MINDY4B: variants seen among roughly 807,000 people sequenced by gnomAD.
The protein encoded by MINDY4B is MINDY family member 4B, also known as inactive ubiquitin carboxyl-terminal hydrolase MINDY-4B.
MINDY4B carries 25 observed loss-of-function variants against 16.7 expected under a neutral mutation model. That is an observed-to-expected ratio of 1.49 (90% CI 1.09 to 2.09). The LOEUF (loss-of-function observed/expected upper bound fraction) is 2.09. Ranked by LOEUF, MINDY4B falls within the 30% of genes most tolerant of loss-of-function variation. MINDY4B has a pLI of 0.00. For missense variants in MINDY4B, 327 were observed against 168.4 expected (o/e 1.94, Z -5.21); for synonymous variants, 132 against 61.9 (o/e 2.13, Z -5.32).
chr3:150,883,746 G>A lies in MINDY4B; in HGVS notation c.851C>T (p.Thr284Ile). The A allele has an allele frequency of 1.4e-6, 1 of 702,796 alleles. No homozygotes were observed. Among genetic ancestry groups the A allele is most frequent in the Non-Finnish European group, 2.6e-6 (1 of 384,834 alleles). The allele number at this position is 702,796 out of a possible 1,614,324, so 43.5% of individuals were successfully genotyped here. ...AGCATTTGGTTGTAGCAGCTGAGTG[G>A]TGGTGACATCTAGGTCCATTTGAAG... ...ERLQMDLDVT[T>I]TQLLQPNAGG... is the part of the protein sequence containing the mutation. The change falls in exon 9 of 12, where the codon ACC becomes ATC. Residue 284 changes from threonine to isoleucine, a missense_variant. Transcript: ENST00000465419.
chr3:150,877,289 A>G (rs916588540), intron 10 of MINDY4B, among the ~76,000 whole-genome samples: 1 of 152,160 alleles, frequency 6.6e-6, no homozygotes, highest in Non-Finnish European at 1.5e-5. Flanking sequence ...CATAAAAATA[A>G]CCTTCAGATT....
intron 3 of MINDY4B, among the ~76,000 whole-genome samples, chr3:150,896,785 G>A (rs998429372): frequency 6.6e-6 from 1 of 152,188 alleles, no homozygotes; most frequent in Non-Finnish European, 1.5e-5. Flanking sequence ...GGAGGTGGCA[G>A]GGGGGTGAAA....
At chr3:150,871,720 C>T (rs139680422) in intron 11 of MINDY4B, among the ~76,000 whole-genome samples, 42 of 152,140 alleles carry the variant, frequency 2.8e-4, no homozygotes, top group Non-Finnish European at 4.3e-4. Flanking sequence ...TGTGGTGGCG[C>T]GCGCCTGTAA....
rs1437645181 is a variant in MINDY4B, at chr3:150,873,245, A to T, written c.1182T>A (p.Phe394Leu). ...LLSDWKMERL[F>L]DLYFYSGQPS... ...GTTGGCCACTGTAAAAGTACAGATC[A>T]AAGAGACGTTCCATTTTCCAGTCTG... Residue 394 changes from phenylalanine (F) to leucine (L), a missense_variant, in exon 11 of 12, where the codon TTT becomes TTA. Coordinates refer to ENST00000465419, the MANE Select transcript of MINDY4B (RefSeq NM_001351281.2). 1 of 703,194 alleles carries T rather than the reference A, an allele frequency of 1.4e-6. No homozygotes were observed. The highest frequency in any genetic ancestry group is 1.7e-5 in the African/African-American group (1 of 57,272). The allele number at this position is 703,194 out of a possible 1,614,324, so 43.6% of individuals were successfully genotyped here. A position where few individuals can be genotyped will look rare whatever the true frequency, so the allele number is the denominator to read the frequency against.
chr3:150,892,812 C>T (rs1711850580), intron 5 of MINDY4B, among the ~76,000 whole-genome samples: 2 of 150,838 alleles, frequency 1.3e-5, no homozygotes, highest in African/African-American at 4.9e-5. Flanking sequence ...AAAAATTAGC[C>T]GGGTGTAATC....
At chr3:150,883,261 A>T (rs1711551530) in intron 9 of MINDY4B, among the ~76,000 whole-genome samples, 1 of 152,138 alleles carries the variant, frequency 6.6e-6, no homozygotes, top group African/African-American at 2.4e-5. Flanking sequence ...CTTACCCCAT[A>T]ACTCCCTCTG....
At chr3:150,880,043 G>A (rs947623863) in intron 10 of MINDY4B, among the ~76,000 whole-genome samples, 1 of 152,158 alleles carries the variant, frequency 6.6e-6, no homozygotes, top group African/African-American at 2.4e-5. Flanking sequence ...GAATATTCTG[G>A]CCTTCCAATG....
chr3:150,883,202 A>T, intron 9 of MINDY4B, 144 bp from the exon 10 acceptor site: 1 of 568,902 alleles, frequency 1.8e-6, no homozygotes, highest in Non-Finnish European at 3.1e-6. Flanking sequence ...ATATGTCCTA[A>T]ATATTTGGTA....
chr3:150,882,603 T>C (rs1011121373), intron 10 of MINDY4B, among the ~76,000 whole-genome samples: 3 of 151,092 alleles, frequency 2.0e-5, no homozygotes, highest in African/African-American at 7.3e-5. Flanking sequence ...TTTGTCAACC[T>C]CATTAAACAG....
intron 10 of MINDY4B, among the ~76,000 whole-genome samples, chr3:150,876,252 A>T (rs1711497025): frequency 6.6e-6 from 1 of 152,246 alleles, no homozygotes; most frequent in Admixed American, 6.5e-5. Context: ...TTACAAGGAC[A>T]GCAAGGAAGA....
intron 7 of MINDY4B, among the ~76,000 whole-genome samples, chr3:150,885,877 G>A (rs896413750): frequency 5.9e-5 from 9 of 152,088 alleles, no homozygotes; most frequent in African/African-American, 1.9e-4. Context: ...ATACACCTCG[G>A]TTCTACTGCT....
intron 10 of MINDY4B, among the ~76,000 whole-genome samples, chr3:150,876,552 T>C (rs1576609377): frequency 6.6e-6 from 1 of 152,332 alleles, no homozygotes; most frequent in South Asian, 2.1e-4. Flanking sequence ...TTTGCAGGTA[T>C]GTTGTAAAGA....
At chr3:150,895,090 A>G (rs1241726439) in intron 3 of MINDY4B, among the ~76,000 whole-genome samples, 3 of 152,186 alleles carry the variant, frequency 2.0e-5, no homozygotes, top group Non-Finnish European at 2.9e-5. Context: ...TCTATGAACC[A>G]GGCTCTGGGA....
intron 4 of MINDY4B, 141 bp downstream of exon 4, chr3:150,894,045 T>C (rs1711893933): frequency 2.0e-6 from 1 of 504,984 alleles, no homozygotes; most frequent in South Asian, 3.2e-5. Context: ...TGTTATCATT[T>C]AAGGTTAAAC....
chr3:150,885,801 T>G (rs1406757471), intron 7 of MINDY4B, among the ~76,000 whole-genome samples: 3 of 152,188 alleles, frequency 2.0e-5, no homozygotes, highest in Non-Finnish European at 4.4e-5. Context: ...TCTCCTCATG[T>G]CCTTCCTCAT....
At chr3:150,876,669 T>C (rs973977892) in intron 10 of MINDY4B, among the ~76,000 whole-genome samples, 2 of 152,146 alleles carry the variant, frequency 1.3e-5, no homozygotes, top group Non-Finnish European at 1.5e-5. Flanking sequence ...CCTATCAGAC[T>C]CTCTAAAGGG....
chr3:150,872,117 C>T (rs1423466580), intron 11 of MINDY4B, among the ~76,000 whole-genome samples: 3 of 152,178 alleles, frequency 2.0e-5, no homozygotes, highest in Admixed American at 6.5e-5. Context: ...GGGAATGTTA[C>T]GGGTTAATGC....
intron 3 of MINDY4B, among the ~76,000 whole-genome samples, chr3:150,896,227 G>GT (rs976656814): frequency 1.3e-5 from 2 of 152,032 alleles, no homozygotes; most frequent in African/African-American, 4.8e-5. Flanking sequence ...AGTTTTGATT[G>GT]TTTTTTATTT....
intron 3 of MINDY4B, among the ~76,000 whole-genome samples, chr3:150,895,308 T>C (rs2107908006): frequency 6.6e-6 from 1 of 152,298 alleles, no homozygotes; most frequent in Middle Eastern, 3.4e-3. Flanking sequence ...ATTTCTATCA[T>C]TTTTGTATAC....
Sources: gnomAD v4.1 joint callset for allele counts (sites outside exome capture counted in the v4.1 genomes callset) on GRCh38, gnomAD v4.1.1 for gene constraint, MANE v1.5 for transcripts, NCBI Gene and HGNC (gene_info 2026-07-23, HGNC 2026-07-21) for gene names.